PCDHA6: variants seen among roughly 807,000 people sequenced by gnomAD.
PCDHA6 encodes protocadherin alpha-6.
A neutral mutation model predicts 60.3 loss-of-function variants in PCDHA6; 55 were observed. The ratio of observed to expected loss-of-function variants is 0.91; its 90% confidence interval spans 0.73 to 1.14. PCDHA6 has a LOEUF of 1.14. Among genes scored for constraint, PCDHA6 ranks in the 50% most tolerant of loss-of-function variants. The pLI, the probability that PCDHA6 is intolerant of heterozygous loss-of-function variation, is 0.00. For synonymous variants in PCDHA6, 652 were observed against 557.9 expected (o/e 1.17, Z -2.38); for missense variants, 1,327 against 1,256.5 (o/e 1.06, Z -0.85).
intron 3 of PCDHA6, among the ~76,000 whole-genome samples, chr5:140,995,073 C>A (rs2097663037): frequency 6.6e-6 from 1 of 152,180 alleles, no homozygotes; most frequent in Non-Finnish European, 1.5e-5. Context: ...CAACCTACAG[C>A]AATCCAAACT....
Position 140,827,981 on chromosome 5 carries a change from T to C in PCDHA6, c.-111T>C, listed in dbSNP as rs1359301062. Reference sequence around the variant, plus strand: ...TTCTATTACTGCATCATTCCCTGACTGTTGAATGATGGCGGACGCAGAAGA... The same window carrying C: ...TTCTATTACTGCATCATTCCCTGACCGTTGAATGATGGCGGACGCAGAAGA... On this transcript the variant is annotated 5_prime_UTR_variant, in exon 1 of 4. Coordinates refer to ENST00000529310, the MANE Select transcript of PCDHA6 (RefSeq NM_018909.4). The C allele has an allele frequency of 1.4e-6, 2 of 1,423,020 alleles. No homozygotes were observed. The highest frequency in any genetic ancestry group is 1.9e-6 in the Non-Finnish European group (2 of 1,051,974). The allele number at this position is 1,423,020 out of a possible 1,614,324, so 88.1% of individuals were successfully genotyped here. A position where few individuals can be genotyped will look rare whatever the true frequency, so the allele number is the denominator to read the frequency against.
intron 1 of PCDHA6, chr5:140,883,940 G>T: frequency 6.2e-7 from 1 of 1,613,412 alleles, no homozygotes; most frequent in Non-Finnish European, 8.5e-7. Flanking sequence ...CGTGCTGGAC[G>T]AGAACGACAA....
intron 1 of PCDHA6, among the ~76,000 whole-genome samples, chr5:140,900,906 G>C (rs2068354860): frequency 6.6e-6 from 1 of 152,096 alleles, no homozygotes; most frequent in African/African-American, 2.4e-5. Context: ...CATTTTAACT[G>C]TGGTAAGATG....
intron 1 of PCDHA6, chr5:140,835,711 T>A: frequency 6.2e-7 from 1 of 1,613,776 alleles, no homozygotes; most frequent in Non-Finnish European, 8.5e-7. Context: ...AGCGTGTCCG[T>A]GGAGGTGGCC....
chr5:140,841,155 C>T (rs1777049079), intron 1 of PCDHA6: 1 of 842,000 alleles, frequency 1.2e-6, no homozygotes, highest in South Asian at 1.9e-5. Context: ...TCGCTGTCTA[C>T]CAAGAAGTTC....
intron 1 of PCDHA6, chr5:140,876,963 G>A: frequency 6.2e-7 from 1 of 1,613,068 alleles, no homozygotes; most frequent in Middle Eastern, 1.8e-4. Flanking sequence ...TGGTGGAGCG[G>A]CGGGTGGGCG....
intron 1 of PCDHA6, among the ~76,000 whole-genome samples, chr5:140,972,732 C>T (rs2096552874): frequency 1.3e-5 from 2 of 149,646 alleles, no homozygotes; most frequent in Non-Finnish European, 3.0e-5. Flanking sequence ...GGCGTAATCC[C>T]GGCTCACTGC....
chr5:140,978,037 A>G (rs1260035731), intron 1 of PCDHA6, among the ~76,000 whole-genome samples: 12 of 152,322 alleles, frequency 7.9e-5, no homozygotes, highest in African/African-American at 2.4e-4. Flanking sequence ...GATACAAGAC[A>G]GTGATGGTGA....
chr5:140,855,911 G>A (rs2043669744), intron 1 of PCDHA6: 4 of 1,166,768 alleles, frequency 3.4e-6, no homozygotes, highest in East Asian at 4.8e-5. Context: ...AGTTTCTCAA[G>A]GACTAGGAAG....
At chr5:140,916,929 G>A (rs2077785456) in intron 1 of PCDHA6, among the ~76,000 whole-genome samples, 1 of 152,214 alleles carries the variant, frequency 6.6e-6, no homozygotes, top group African/African-American at 2.4e-5. Context: ...GAGCACTTAA[G>A]CATATAGTGG....
At chr5:140,931,853 G>A (rs2087796602) in intron 1 of PCDHA6, among the ~76,000 whole-genome samples, 1 of 151,744 alleles carries the variant, frequency 6.6e-6, no homozygotes, top group African/African-American at 2.4e-5. Context: ...ATAACAACAG[G>A]ATTCTAGAAA....
Position 140,835,309 on chromosome 5 carries a change from A to G in PCDHA6, c.2394+4824A>G, listed in dbSNP as rs2150233650. On this transcript the variant is annotated intron_variant, in intron 1 of 3. Coordinates refer to ENST00000529310, the MANE Select transcript of PCDHA6 (RefSeq NM_018909.4). ...GCAATCACAGTGATAGGACATATGG[A>G]TTTTGAAGAAAGTAGAGCACACAAG... 9.3e-6 allele frequency: 15 copies of G among 1,612,924 alleles called. No homozygotes were observed. The African/African-American group carries it at 1.9e-4, about 20-fold the overall frequency.
rs564801749 is a variant in PCDHA6, at chr5:140,919,703, A to G, written c.2395-59246A>G. Among the ~76,000 whole-genome samples the G allele has an allele frequency of 6.4e-4, 98 of 152,318 alleles. No individual in the cohort carries two copies. In the South Asian group the frequency reaches 0.011, roughly 16 times the overall value. ...TCTGCTTCAGATTTATATTAACTTA[A>G]TTCTAGTGAGATATAAATATGTTAC... On this transcript the variant is annotated intron_variant, in intron 1 of 3. Transcript: ENST00000529310.
In PCDHA6 at chr5:140,830,385, C is replaced by G; in HGVS notation, c.2294C>G (p.Pro765Arg). Reference sequence around the variant, plus strand: ...AGGGTGTGCTCCGGGGAGGGCCCACCCAAGATGGATCTCATGGCCTTTAGC... The same window carrying G: ...AGGGTGTGCTCCGGGGAGGGCCCACGCAAGATGGATCTCATGGCCTTTAGC... ...RQRVCSGEGP[P>R]KMDLMAFSPS... Residue 765 changes from proline (P) to arginine (R), a missense_variant, in exon 1 of 4, where the codon CCC becomes CGC. Transcript: ENST00000529310. 2 of 1,614,120 alleles carry G rather than the reference C, an allele frequency of 1.2e-6. No homozygotes were observed. The highest frequency in any genetic ancestry group is 1.7e-6 in the Non-Finnish European group (2 of 1,179,996).
At chr5:140,867,813 C>T (rs1189080463) in intron 1 of PCDHA6, 1 of 152,032 alleles carries the variant, frequency 6.6e-6, no homozygotes, top group Non-Finnish European at 1.5e-5. Context: ...TATGAAATTC[C>T]ATTTCCACAA....
chr5:140,997,124 C>T (rs933067358), intron 3 of PCDHA6, among the ~76,000 whole-genome samples: 2 of 152,074 alleles, frequency 1.3e-5, no homozygotes, highest in Non-Finnish European at 2.9e-5. Context: ...CCCACATACA[C>T]AATGCCCCCA....
chr5:140,922,477 C>T (rs1233589980), intron 1 of PCDHA6, among the ~76,000 whole-genome samples: 2 of 152,124 alleles, frequency 1.3e-5, no homozygotes, highest in African/African-American at 2.4e-5. Context: ...GGAGAGAAGG[C>T]AGGACTAAAT....
chr5:141,004,094 G>A (rs962663466), intron 3 of PCDHA6, among the ~76,000 whole-genome samples: 1 of 152,194 alleles, frequency 6.6e-6, no homozygotes, highest in Non-Finnish European at 1.5e-5. Context: ...TGCTTCTTCC[G>A]TTTTCATCTT....
At chr5:140,930,245 C>T (rs1355884137) in intron 1 of PCDHA6, 2 of 152,164 alleles carry the variant, frequency 1.3e-5, no homozygotes, top group African/African-American at 4.8e-5. Flanking sequence ...AAAGTCCATT[C>T]AACTTGGATT....
Sources: gnomAD v4.1 joint callset for allele counts (sites outside exome capture counted in the v4.1 genomes callset) on GRCh38, gnomAD v4.1.1 for gene constraint, MANE v1.5 for transcripts, NCBI Gene and HGNC (gene_info 2026-07-23, HGNC 2026-07-21) for gene names.